SNX14: variants seen among roughly 807,000 people sequenced by gnomAD.
SNX14 encodes sorting nexin 14, also known as sorting nexin-14.
In SNX14, 93 loss-of-function variants were observed where a neutral mutation model predicts 133.8. The observed-to-expected ratio is 0.70, with a 90% CI of 0.59 to 0.83. The LOEUF is 0.83. Among genes scored for constraint, SNX14 ranks in the 40% least tolerant of loss-of-function variants. The probability of loss-of-function intolerance (pLI) is 0.00; values close to 1 mark genes in which losing one functional copy is unlikely to be tolerated. For synonymous variants in SNX14, 368 were observed against 365.6 expected, an observed-to-expected ratio of 1.01 and a Z score of -0.07; for missense variants, 945 against 1,094.9, an observed-to-expected ratio of 0.86 and a Z score of 1.93.
intron 26 of SNX14, among the ~76,000 whole-genome samples, chr6:85,509,854 G>A (rs1015420470): frequency 6.6e-6 from 1 of 152,036 alleles, no homozygotes; most frequent in Admixed American, 6.6e-5. Flanking sequence ...TGTCTTCTTA[G>A]TTTTGCCTTT....
At chr6:85,510,105 A>C (rs1481587994) in intron 26 of SNX14, among the ~76,000 whole-genome samples, 1 of 152,122 alleles carries the variant, frequency 6.6e-6, no homozygotes, top group Non-Finnish European at 1.5e-5. Flanking sequence ...ATAAACATTC[A>C]TGTGCAGGTT....
intron 17 of SNX14, among the ~76,000 whole-genome samples, chr6:85,535,334 G>C (rs1387334604): frequency 1.3e-5 from 2 of 151,392 alleles, no homozygotes; most frequent in Admixed American, 6.6e-5. Context: ...CCACACCAAG[G>C]CTGGGTGCAG....
At chr6:85,543,417 C>T in intron 13 of SNX14, 111 bp from the exon 14 acceptor site, 1 of 1,120,234 alleles carries the variant, frequency 8.9e-7, no homozygotes, top group Non-Finnish European at 1.2e-6. Context: ...GAAATTAGAC[C>T]AACCAAGCTC....
chr6:85,543,295 G>A lies in SNX14; in HGVS notation c.1276C>T (p.Pro426Ser). Residue 426 changes from proline (P) to serine (S), a missense_variant, in exon 14 of 29, where the codon CCA becomes TCA. This residue lies in a region of SNX14 where 514 missense variants were observed against 538.8 expected (regional missense o/e 0.95). Transcript: ENST00000314673. ...TGAAGTTTCACAACATCTATGTATG[G>A]GCCTTCAGCAACTATTAAAAAAATT... ...VEEIQRIAEG[P>S]YIDVVKLQTM... 1 of 1,568,856 alleles carries A rather than the reference G, an allele frequency of 6.4e-7. No individual in the cohort carries two copies. Among genetic ancestry groups the A allele is most frequent in the Non-Finnish European group, 8.6e-7 (1 of 1,164,372 alleles).
rs1771343420 is a variant in SNX14, at chr6:85,508,002, A to T, written c.2711T>A (p.Phe904Tyr). 1 of 1,613,494 alleles carries T rather than the reference A, an allele frequency of 6.2e-7. No homozygotes were observed. The highest frequency in any genetic ancestry group is 8.5e-7 in the Non-Finnish European group (1 of 1,179,702). The change falls in exon 27 of 29, where the codon TTT (phenylalanine) becomes TAT (tyrosine). Residue 904 changes from phenylalanine to tyrosine, a missense_variant. Physicochemically the swap from Phe to Tyr is conservative, Grantham distance 22. Coordinates refer to ENST00000314673, the MANE Select transcript of SNX14 (RefSeq NM_153816.6). ...ETKYESIRLL[F>Y]DGLQQPVLNK... ...GAGTACTGGTTGCTGTAAGCCATCA[A>T]ACAGAAGTCTGATGCTTTCATACTT... is the stretch of plus-strand genomic sequence containing the variant.
intron 12 of SNX14, among the ~76,000 whole-genome samples, chr6:85,544,804 T>C (rs12527778): frequency 0.1 from 15,915 of 152,278 alleles, 1,185 homozygotes; most frequent in Admixed American, 0.23. Flanking sequence ...AGCATATTTG[T>C]ATTTTAAGAA....
intron 7 of SNX14, among the ~76,000 whole-genome samples, chr6:85,554,317 T>C (rs1256224926): frequency 6.6e-6 from 1 of 151,898 alleles, no homozygotes; most frequent in Non-Finnish European, 1.5e-5. Flanking sequence ...TGTATATATA[T>C]ACACACACAT....
intron 26 of SNX14, among the ~76,000 whole-genome samples, chr6:85,510,654 T>C (rs1772468908): frequency 6.6e-6 from 1 of 152,240 alleles, no homozygotes; most frequent in South Asian, 2.1e-4. Flanking sequence ...CGTCTATGGT[T>C]CATGCCTTTG....
intron 21 of SNX14, among the ~76,000 whole-genome samples, chr6:85,524,534 C>T (rs1182546713): frequency 6.6e-6 from 1 of 152,108 alleles, no homozygotes; most frequent in East Asian, 1.9e-4. Context: ...GTAATCTCAG[C>T]ACTTTGGGAG....
Position 85,526,238 on chromosome 6 carries a change from C to T in SNX14, c.1996-1G>A. The T allele has an allele frequency of 2.5e-6, 4 of 1,574,294 alleles. No homozygotes were observed. Among genetic ancestry groups the T allele is most frequent in the Non-Finnish European group, 3.4e-6 (4 of 1,160,204 alleles). ...TCAGTTCTGGATGCTGCAGAAGTTT[C>T]TTGAATGAACAAAAAAAACGGAAAA... On this transcript the variant is annotated splice_acceptor_variant, in intron 20 of 28. Transcript: ENST00000314673. LOFTEE classifies it high-confidence loss of function.
rs913002941 is a variant in SNX14, at chr6:85,584,244, C to G, written c.140+9335G>C. 2.0e-5 allele frequency among the ~76,000 whole-genome samples: 3 copies of G among 152,080 alleles called. No homozygotes were observed. In the East Asian group the frequency reaches 5.8e-4, roughly 29 times the overall value. The stretch of plus-strand genomic sequence containing the variant: ...CCCTCCTTACACCTTATACAAAAAT[C>G]AAATAAAGATGGATTAAACACTTAA... On this transcript the variant is annotated intron_variant, in intron 1 of 28. Transcript: ENST00000314673.
At position 85,547,098 on chromosome 6, in the gene SNX14, C is replaced by A; in HGVS notation, c.1108+14G>T. On this transcript the variant is annotated intron_variant, in intron 12 of 28. Coordinates refer to ENST00000314673, the MANE Select transcript of SNX14 (RefSeq NM_153816.6). ...TTAAAAATTACTTTCGTAAAATACACAGGTAAGCCTCACCCACAGTCAAAC... is the reference window on the plus strand; with the variant it reads ...TTAAAAATTACTTTCGTAAAATACAAAGGTAAGCCTCACCCACAGTCAAAC... The A allele has an allele frequency of 1.3e-6, 2 of 1,588,444 alleles. No individual in the cohort carries two copies. The highest frequency in any genetic ancestry group is 1.7e-6 in the Non-Finnish European group (2 of 1,164,800).
Position 85,593,848 on chromosome 6 carries a change from C to G in SNX14, c.-130G>C. ...CAGACGCCTACCGGCAGTTAGCCGC[C>G]GCAGGCTGAGGTCGCGTCCGGCTGG... On this transcript the variant is annotated 5_prime_UTR_variant, in exon 1 of 29. Transcript: ENST00000314673. 3.3e-6 allele frequency: 5 copies of G among 1,505,894 alleles called. No homozygotes were observed. The highest frequency in any genetic ancestry group is 2.9e-5 in the African/African-American group (2 of 70,034). 93.3% of individuals were successfully genotyped at this position (1,505,894 alleles called of 1,614,324 possible). A position where few individuals can be genotyped will look rare whatever the true frequency, so the allele number is the denominator to read the frequency against.
rs749656742 is a variant in SNX14 at position 85,536,791 on chromosome 6, C to G, written c.1608+1G>C. 1 of 1,606,114 alleles carries G rather than the reference C, an allele frequency of 6.2e-7. No homozygotes were observed. Among genetic ancestry groups the G allele is most frequent in the Non-Finnish European group, 8.5e-7 (1 of 1,177,032 alleles). ...AAATCAAATTGATACATTTTACTTA[C>G]AAAATCATCTTCACCTTCAGCTACA... On this transcript the variant is annotated splice_donor_variant, in intron 17 of 28. Transcript: ENST00000314673. LOFTEE classifies it high-confidence loss of function.
At chr6:85,525,160 G>C (rs919088962) in intron 21 of SNX14, among the ~76,000 whole-genome samples, 2 of 152,186 alleles carry the variant, frequency 1.3e-5, no homozygotes, top group Admixed American at 1.3e-4. Context: ...ATCTCTAATA[G>C]TAAAAATATA....
At chr6:85,506,244 C>T (rs1456776384) in intron 28 of SNX14, among the ~76,000 whole-genome samples, 1 of 152,066 alleles carries the variant, frequency 6.6e-6, no homozygotes, top group Non-Finnish European at 1.5e-5. Flanking sequence ...TTGTTGATTC[C>T]CATGAAAATT....
intron 1 of SNX14, among the ~76,000 whole-genome samples, chr6:85,587,459 A>C (rs1801286310): frequency 6.6e-6 from 1 of 152,176 alleles, no homozygotes; most frequent in Non-Finnish European, 1.5e-5. Flanking sequence ...AATCTATATA[A>C]AATAACTTTT....
Position 85,572,382 on chromosome 6 carries a change from A to G in SNX14, c.262-8T>C. On this transcript the variant is annotated splice_region_variant and splice_polypyrimidine_tract_variant and intron_variant, in intron 2 of 28. Transcript: ENST00000314673. The stretch of plus-strand genomic sequence containing the variant: ...TTCCTGAAGTCCTAACTGCTAAAAA[A>G]GGAAAATGAGAGGTGGTGGGGAGAT... The G allele has an allele frequency of 6.2e-7, 1 of 1,604,590 alleles. No homozygotes were observed.
rs760500006 is a variant in SNX14, at chr6:85,507,268, T to C, written c.2767A>G (p.Ile923Val). The C allele has an allele frequency of 2.5e-6, 4 of 1,610,920 alleles. No homozygotes were observed. Among genetic ancestry groups the C allele is most frequent in the East Asian group, 2.2e-5 (1 of 44,762 alleles). Reference protein sequence around the residue: ...NKQLTYVLLDIVIQELFPELN... With the variant: ...NKQLTYVLLDVVIQELFPELN... ...TCTGGAAACAGTTCCTGTATCACAATGTCCAATAAAACATAAGTCAGCTAA... is the reference window on the plus strand; with the variant it reads ...TCTGGAAACAGTTCCTGTATCACAACGTCCAATAAAACATAAGTCAGCTAA... The change falls in exon 28 of 29, where the codon ATT (isoleucine) becomes GTT (valine). Residue 923 changes from isoleucine (I) to valine (V), a missense_variant. Coordinates refer to ENST00000314673, the MANE Select transcript of SNX14 (RefSeq NM_153816.6).
Sources: gnomAD v4.1 joint callset for allele counts (sites outside exome capture counted in the v4.1 genomes callset) on GRCh38, gnomAD v4.1.1 for gene constraint, gnomAD v4.1.1 regional missense constraint, MANE v1.5 for transcripts, NCBI Gene and HGNC (gene_info 2026-07-23, HGNC 2026-07-21) for gene names.